The following CPAP variants were observed in gnomAD, a reference collection of about 807,000 sequenced individuals.
The protein encoded by CPAP is centrosome assembly and centriole elongation protein.
chr13:24,922,069 A>C, the CPAP span, among the ~76,000 whole-genome samples: 1 of 152,218 alleles, frequency 6.6e-6, no homozygotes, highest in Non-Finnish European at 1.5e-5. Flanking sequence ...CAAACTCATC[A>C]AATGGAATGC....
At chr13:24,883,205 C>T in the CPAP span, 3 of 1,613,934 alleles carry the variant, frequency 1.9e-6, no homozygotes, top group Admixed American at 5.0e-5. Context: ...TAGCACATTA[C>T]CCTCCTTGTC....
chr13:24,928,108 A>G, the CPAP span, among the ~76,000 whole-genome samples: 3 of 152,236 alleles, frequency 2.0e-5, no homozygotes, highest in Admixed American at 1.3e-4. Flanking sequence ...TGTACTGAAT[A>G]AAAACAGGCA....
chr13:24,909,806 G>A, the CPAP span: 2 of 1,612,512 alleles, frequency 1.2e-6, no homozygotes, highest in Admixed American at 3.3e-5. Context: ...GATGGTTACG[G>A]TTTTCTTCTT....
chr13:24,906,452 G>A, the CPAP span: 1 of 1,614,194 alleles, frequency 6.2e-7, no homozygotes, highest in Non-Finnish European at 8.5e-7. Flanking sequence ...CGGCCCTGTT[G>A]AAAGAGGAAG....
the CPAP span, chr13:24,906,896 C>A: frequency 2.0e-5 from 32 of 1,613,944 alleles, no homozygotes; most frequent in African/African-American, 2.0e-4. Context: ...TCTAGCTAAA[C>A]CTTCTCCTCG....
At chr13:24,899,629 T>A in the CPAP span, 1 of 1,469,310 alleles carries the variant, frequency 6.8e-7, no homozygotes, top group Non-Finnish European at 9.5e-7. Context: ...ACCATCTCAG[T>A]GCAGTGATGT....
At chr13:24,910,380 C>A in the CPAP span, among the ~76,000 whole-genome samples, 2 of 152,152 alleles carry the variant, frequency 1.3e-5, no homozygotes, top group Non-Finnish European at 2.9e-5. Context: ...TGTGCCACCA[C>A]GCCCAGCTAA....
At chr13:24,926,846 CAG>C in the CPAP span, among the ~76,000 whole-genome samples, 10 of 152,150 alleles carry the variant, frequency 6.6e-5, no homozygotes, top group Admixed American at 6.5e-5. Flanking sequence ...TTAGAGAAAA[CAG>C]AGCTGCTAGC....
At chr13:24,882,850 G>T in the CPAP span, 1 of 338,412 alleles carries the variant, frequency 3.0e-6, no homozygotes, top group Admixed American at 4.4e-5. Flanking sequence ...GGACATCTAG[G>T]TGATGTACTT....
chr13:24,902,026 A>G, the CPAP span, among the ~76,000 whole-genome samples: 24 of 152,178 alleles, frequency 1.6e-4, no homozygotes, highest in Non-Finnish European at 1.8e-4. Flanking sequence ...CAGATTAAAG[A>G]GCCCATACAG....
At chr13:24,895,875 T>C in the CPAP span, among the ~76,000 whole-genome samples, 1 of 152,212 alleles carries the variant, frequency 6.6e-6, no homozygotes, top group Non-Finnish European at 1.5e-5. Context: ...TCCTCAATGA[T>C]TACAAGTGTC....
At chr13:24,912,867 G>A in the CPAP span, 1 of 1,614,180 alleles carries the variant, frequency 6.2e-7, no homozygotes, top group Non-Finnish European at 8.5e-7. Context: ...TAATAGGAAA[G>A]CTGGTAGAAA....
At chr13:24,910,345 T>A in the CPAP span, among the ~76,000 whole-genome samples, 3 of 152,186 alleles carry the variant, frequency 2.0e-5, no homozygotes, top group Admixed American at 6.5e-5. Flanking sequence ...TGCCTCAGCC[T>A]CCTGAGTAGC....
chr13:24,923,159 C>T, the CPAP span, among the ~76,000 whole-genome samples: 4 of 152,292 alleles, frequency 2.6e-5, no homozygotes, highest in African/African-American at 9.6e-5. Flanking sequence ...CGATGGATCT[C>T]CGTGTTCCCA....
At chr13:24,933,158 A>G in the CPAP span, 3 of 1,505,908 alleles carry the variant, frequency 2.0e-6, no homozygotes, top group Middle Eastern at 2.3e-4. Context: ...GTCATAAACT[A>G]CAGTGTGATA....
the CPAP span, among the ~76,000 whole-genome samples, chr13:24,908,981 C>T: frequency 6.6e-6 from 1 of 151,738 alleles, no homozygotes; most frequent in East Asian, 1.9e-4. Flanking sequence ...AAATTATACA[C>T]ATATAGAAGT....
chr13:24,889,098 C>T, the CPAP span: 1 of 559,068 alleles, frequency 1.8e-6, no homozygotes, highest in Non-Finnish European at 3.2e-6. Flanking sequence ...ATGAACGCAA[C>T]AAGGTAAAAT....
chr13:24,905,224 ATTAAT>A, the CPAP span: 2 of 926,420 alleles, frequency 2.2e-6, no homozygotes, highest in Non-Finnish European at 3.4e-6. Context: ...CAAATCACCC[ATTAAT>A]TTGACTTAAT....
chr13:24,883,168 T>C, the CPAP span: 1 of 1,611,702 alleles, frequency 6.2e-7, no homozygotes, highest in Non-Finnish European at 8.5e-7. Context: ...CATGATCACA[T>C]GAGGATCGTC....
Sources: gnomAD v4.1 joint callset for allele counts (sites outside exome capture counted in the v4.1 genomes callset) on GRCh38, gnomAD v4.1.1 for gene constraint, MANE v1.5 for transcripts, NCBI Gene and HGNC (gene_info 2026-07-23, HGNC 2026-07-21) for gene names.